PTPRT: variants seen among roughly 807,000 people sequenced by gnomAD.
The protein encoded by PTPRT is receptor-type tyrosine-protein phosphatase T.
Under a neutral mutation model 176.8 loss-of-function variants are expected in PTPRT, and 56 were observed. The observed-to-expected ratio is 0.32, with a 90% CI of 0.26 to 0.40. The LOEUF is 0.40. PTPRT is among the 10% of genes least tolerant of loss of function. PTPRT has a pLI of 1.00. For missense variants in PTPRT, 1,540 were observed against 1,908.2 expected, an observed-to-expected ratio of 0.81 and a Z score of 3.60; for synonymous variants, 783 against 739.0, an observed-to-expected ratio of 1.06 and a Z score of -0.96.
At chr20:42,528,035 C>T (rs900086548) in intron 7 of PTPRT, among the ~76,000 whole-genome samples, 24 of 152,346 alleles carry the variant, frequency 1.6e-4, no homozygotes, top group African/African-American at 5.5e-4. Context: ...ATGAAATCCT[C>T]AGCATGGCCT....
chr20:42,978,719 A>G (rs1432842386), intron 1 of PTPRT, among the ~76,000 whole-genome samples: 1 of 152,206 alleles, frequency 6.6e-6, no homozygotes, highest in African/African-American at 2.4e-5. Context: ...CACCAAAACA[A>G]AGATGGCCAC....
intron 7 of PTPRT, among the ~76,000 whole-genome samples, chr20:42,605,614 G>T (rs1165878503): frequency 1.3e-5 from 2 of 152,146 alleles, no homozygotes; most frequent in East Asian, 1.9e-4. Context: ...TCCTGGTGAA[G>T]TTTGCAAATG....
At chr20:42,934,666 C>T (rs1439204258) in intron 1 of PTPRT, among the ~76,000 whole-genome samples, 1 of 152,174 alleles carries the variant, frequency 6.6e-6, no homozygotes, top group African/African-American at 2.4e-5. Flanking sequence ...CCTTCAGTCC[C>T]TTGCCTTGTG....
intron 7 of PTPRT, among the ~76,000 whole-genome samples, chr20:42,486,375 A>G (rs2071464451): frequency 6.6e-6 from 1 of 152,186 alleles, no homozygotes; most frequent in Non-Finnish European, 1.5e-5. Flanking sequence ...TGCCTTTTCC[A>G]CTTTCCATCT....
intron 27 of PTPRT, among the ~76,000 whole-genome samples, chr20:42,093,165 A>G (rs989663933): frequency 6.6e-6 from 1 of 152,158 alleles, no homozygotes; most frequent in Admixed American, 6.5e-5. Flanking sequence ...TGAGTATGGC[A>G]TGACTGCAAG....
chr20:42,104,675 A>C lies in PTPRT; in HGVS notation c.3434T>G (p.Leu1145Arg). The C allele has an allele frequency of 6.3e-7, 1 of 1,591,564 alleles. No homozygotes were observed. Among genetic ancestry groups the C allele is most frequent in the Non-Finnish European group, 8.6e-7 (1 of 1,159,354 alleles). Residue 1145 changes from leucine (L) to arginine (R), a missense_variant, in exon 25 of 31, where the codon CTC becomes CGC. This residue lies in a region of PTPRT where 248 missense variants were observed against 356.7 expected (regional missense o/e 0.70). Transcript: ENST00000373187. ...CACAGGGATGGCAGTGTTGCCACAG[A>C]GGCACGCTTCCAGGATGGCATCGTG... ...FVHDAILEAC[L>R]CGNTAIPVCE...
intron 4 of PTPRT, among the ~76,000 whole-genome samples, chr20:42,776,937 A>G (rs946555069): frequency 1.3e-5 from 2 of 151,932 alleles, no homozygotes; most frequent in Non-Finnish European, 2.9e-5. Context: ...TCACTTCAAT[A>G]GAAGTCCATG....
chr20:43,006,888 C>G (rs543754534), intron 1 of PTPRT, among the ~76,000 whole-genome samples: 1 of 152,162 alleles, frequency 6.6e-6, no homozygotes, highest in Non-Finnish European at 1.5e-5. Flanking sequence ...TATAGTGTGG[C>G]AATGTAGAGT....
rs138329251 is a variant in PTPRT, at chr20:42,526,534, A to G, written c.1154-53972T>C. The stretch of plus-strand genomic sequence containing the variant: ...TTCTCTGTGACATATTTTTGGTAGA[A>G]AAGATAATTGCTTAATTTTCTTTTA... On this transcript the variant is annotated intron_variant, in intron 7 of 30. Coordinates refer to ENST00000373187, the MANE Select transcript of PTPRT (RefSeq NM_007050.6). 3.4e-3 allele frequency among the ~76,000 whole-genome samples: 516 copies of G among 152,264 alleles called. 2 individuals are homozygous for G. The highest frequency in any genetic ancestry group is 0.011 in the African/African-American group (476 of 41,546).
intron 6 of PTPRT, among the ~76,000 whole-genome samples, chr20:42,717,024 C>T (rs2076234487): frequency 7.0e-6 from 1 of 143,012 alleles, no homozygotes; most frequent in East Asian, 2.0e-4. Flanking sequence ...CATCACACAC[C>T]AGGGCCTGTT....
At chr20:42,515,981 A>T (rs2072058470) in intron 7 of PTPRT, among the ~76,000 whole-genome samples, 1 of 149,362 alleles carries the variant, frequency 6.7e-6, no homozygotes, top group Non-Finnish European at 1.5e-5. Flanking sequence ...GGAAATCATC[A>T]TTCTCAGTAA....
chr20:42,792,396 A>C (rs208243), intron 2 of PTPRT, among the ~76,000 whole-genome samples: 65,158 of 152,060 alleles, frequency 0.43, 14,709 homozygotes, highest in East Asian at 0.7. Flanking sequence ...TGAGGGGGTA[A>C]ATTTCAGTTC....
intron 11 of PTPRT, among the ~76,000 whole-genome samples, chr20:42,326,874 C>T (rs2057890027): frequency 6.7e-6 from 1 of 150,176 alleles, no homozygotes; most frequent in Non-Finnish European, 1.5e-5. Flanking sequence ...ATTTGTGAGC[C>T]CTAAAGATGT....
chr20:42,740,924 C>T (rs1478933666), intron 6 of PTPRT, among the ~76,000 whole-genome samples: 2 of 152,132 alleles, frequency 1.3e-5, no homozygotes, highest in African/African-American at 2.4e-5. Flanking sequence ...GCTATAAACC[C>T]CTTCCAGTAC....
intron 1 of PTPRT, among the ~76,000 whole-genome samples, chr20:43,013,811 G>T (rs1211703492): frequency 6.6e-6 from 1 of 152,204 alleles, no homozygotes; most frequent in Non-Finnish European, 1.5e-5. Flanking sequence ...GGAGCTAGAA[G>T]AAAGGGCTCC....
At chr20:42,290,554 G>A (rs542275096) in intron 12 of PTPRT, among the ~76,000 whole-genome samples, 38 of 152,172 alleles carry the variant, frequency 2.5e-4, no homozygotes, top group Non-Finnish European at 3.8e-4. Flanking sequence ...TCAATGCTGC[G>A]TCTGGTTTTA....
At chr20:42,173,020 G>A (rs1465054624) in intron 16 of PTPRT, among the ~76,000 whole-genome samples, 2 of 152,182 alleles carry the variant, frequency 1.3e-5, no homozygotes, top group Non-Finnish European at 2.9e-5. Context: ...ATATGTGGCT[G>A]GTCATACATG....
chr20:42,724,779 G>A (rs1305579809), intron 6 of PTPRT, among the ~76,000 whole-genome samples: 1 of 152,108 alleles, frequency 6.6e-6, no homozygotes, highest in African/African-American at 2.4e-5. Flanking sequence ...GCCTAGCATA[G>A]CATCTTCCAA....
intron 1 of PTPRT, among the ~76,000 whole-genome samples, chr20:43,133,468 G>A (rs2013709786): frequency 6.6e-6 from 1 of 152,186 alleles, no homozygotes; most frequent in African/African-American, 2.4e-5. Flanking sequence ...AGTGCTGGCC[G>A]GGCACGGTGG....
Sources: gnomAD v4.1 joint callset for allele counts (sites outside exome capture counted in the v4.1 genomes callset) on GRCh38, gnomAD v4.1.1 for gene constraint, gnomAD v4.1.1 regional missense constraint, MANE v1.5 for transcripts, NCBI Gene and HGNC (gene_info 2026-07-23, HGNC 2026-07-21) for gene names.